FRYL: variants seen among roughly 807,000 people sequenced by gnomAD.
FRYL encodes the protein FRY like transcription coactivator.
A neutral mutation model predicts 351.2 loss-of-function variants in FRYL; 150 were observed. That is an observed-to-expected ratio of 0.43 (90% CI 0.37 to 0.49). FRYL has a LOEUF of 0.49. FRYL is among the 20% of genes least tolerant of loss of function. The pLI is 0.00. For synonymous variants in FRYL, 1,153 were observed against 1,257.1 expected (o/e 0.92, Z 1.75); for missense variants, 3,036 against 3,619.3 (o/e 0.84, Z 4.13).
rs201559133 is a variant in FRYL, at chr4:48,714,710, C to T, written c.-383-4012G>A. Among the ~76,000 whole-genome samples the T allele has an allele frequency of 5.4e-4, 82 of 150,798 alleles. No individual in the cohort carries two copies. In the East Asian group the frequency reaches 0.014, roughly 26 times the overall value. On this transcript the variant is annotated intron_variant, in intron 1 of 63. Coordinates refer to ENST00000358350, the MANE Select transcript of FRYL (RefSeq NM_015030.2). Reference sequence around the variant, plus strand: ...CCAGAGGTACAAGGAGGAACTGGTACCATTCCTTCTGAAACTATTCCAATC... The same window carrying T: ...CCAGAGGTACAAGGAGGAACTGGTATCATTCCTTCTGAAACTATTCCAATC...
intron 3 of FRYL, chr4:48,653,567 T>C (rs563632137): frequency 2.4e-6 from 1 of 414,072 alleles, no homozygotes; most frequent in African/African-American, 2.1e-5. Flanking sequence ...TTTTCTATCT[T>C]ACTGATTACC....
At chr4:48,633,841 T>C (rs542251366) in intron 4 of FRYL, among the ~76,000 whole-genome samples, 1 of 151,926 alleles carries the variant, frequency 6.6e-6, no homozygotes, top group East Asian at 1.9e-4. Flanking sequence ...CACCATATTA[T>C]CCATCACAAT....
chr4:48,531,317 G>T lies in FRYL; in HGVS notation c.6742C>A (p.Leu2248Met). 16 of 1,613,574 alleles carry T rather than the reference G, an allele frequency of 9.9e-6. No homozygotes were observed. Among genetic ancestry groups the T allele is most frequent in the Non-Finnish European group, 1.4e-5 (16 of 1,179,622 alleles). Residue 2248 changes from leucine to methionine, a missense_variant, in exon 50 of 64, where the codon CTG becomes ATG. This residue lies in a region of FRYL where 1,987 missense variants were observed against 2,311.7 expected (regional missense o/e 0.86). Transcript: ENST00000358350. ...AGACTCGCAGAGCGTGACACCACCA[G>T]CTTTAATATGTTAAGGGCTTCCTTC... ...YWKEALNILKLVVSRSASLVV... is the reference protein window; with the variant it reads ...YWKEALNILKMVVSRSASLVV...
chr4:48,623,111 C>A lies in FRYL; in HGVS notation c.174+15G>T. On this transcript the variant is annotated intron_variant, in intron 5 of 63. Coordinates refer to ENST00000358350, the MANE Select transcript of FRYL (RefSeq NM_015030.2). ...ATTTCCAGGGGAAAAAAAAATTCTC[C>A]CAAAATTGTCATACCTGATCAAACT... 1 of 1,564,564 alleles carries A rather than the reference C, an allele frequency of 6.4e-7. No homozygotes were observed. Among genetic ancestry groups the A allele is most frequent in the South Asian group, 1.2e-5 (1 of 84,118 alleles).
At chr4:48,604,338 T>G (rs1269035242) in intron 11 of FRYL, among the ~76,000 whole-genome samples, 1 of 152,206 alleles carries the variant, frequency 6.6e-6, no homozygotes, top group Non-Finnish European at 1.5e-5. Flanking sequence ...TATTATGGGT[T>G]GAATCATATC....
chr4:48,542,684 G>A (rs2148943194), intron 44 of FRYL, among the ~76,000 whole-genome samples: 1 of 152,278 alleles, frequency 6.6e-6, no homozygotes, highest in African/African-American at 2.4e-5. Context: ...CCAAAGTGCT[G>A]GGATTATAGG....
intron 7 of FRYL, among the ~76,000 whole-genome samples, chr4:48,613,761 G>T (rs1413383035): frequency 7.2e-5 from 11 of 152,140 alleles, no homozygotes; most frequent in Admixed American, 7.2e-4. Context: ...TTCCAGACCA[G>T]CCTGGCCAAC....
At chr4:48,715,235 C>G (rs1214967440) in intron 1 of FRYL, among the ~76,000 whole-genome samples, 4 of 151,314 alleles carry the variant, frequency 2.6e-5, no homozygotes, top group Non-Finnish European at 5.9e-5. Context: ...CCCTCTCTCA[C>G]CACTCCTATT....
chr4:48,766,677 A>G (rs980989210), intron 1 of FRYL, among the ~76,000 whole-genome samples: 14 of 152,198 alleles, frequency 9.2e-5, no homozygotes, highest in Non-Finnish European at 1.8e-4. Flanking sequence ...AACTGAAACA[A>G]TATCACATAC....
intron 1 of FRYL, among the ~76,000 whole-genome samples, chr4:48,779,792 G>C (rs1339993321): frequency 7.9e-5 from 12 of 151,954 alleles, no homozygotes; most frequent in East Asian, 3.9e-4. Flanking sequence ...AGAGACGGGC[G>C]CGCGGCGCTG....
rs1433783419 is a variant in FRYL, at chr4:48,634,368, A to C, written c.43T>G (p.Tyr15Asp). 6.2e-7 allele frequency: 1 copy of C among 1,613,558 alleles called. No homozygotes were observed. Among genetic ancestry groups the C allele is most frequent in the Non-Finnish European group, 8.5e-7 (1 of 1,179,602 alleles). Residue 15 changes from tyrosine (Y) to aspartate (D), a missense_variant, in exon 4 of 64, where the codon TAT becomes GAT. By Grantham distance (160) the Tyr-to-Asp change is radical (BLOSUM62 -3). Transcript: ENST00000358350. Reference sequence around the variant, plus strand: ...TCTGCAAAGAGGCTCTTGATGACATATTCACCAGGTTTGACATCTGGGTCA... The same window carrying C: ...TCTGCAAAGAGGCTCTTGATGACATCTTCACCAGGTTTGACATCTGGGTCA... ...TIDPDVKPGE[Y>D]VIKSLFAEFA...
rs1732257737 is a variant in FRYL, at chr4:48,549,753, G to A, written c.4634-130C>T. On this transcript the variant is annotated intron_variant, in intron 38 of 63. Transcript: ENST00000358350. The surrounding 1 kb of genome is among the most constrained non-coding windows in gnomAD (Gnocchi z 4.2). ...AAAAAATTTCCCACTATTTCAACAT[G>A]TTTGCTAGGAAAATCTAGGCACAAA... The A allele has an allele frequency of 1.5e-6, 1 of 676,674 alleles. No homozygotes were observed. Among genetic ancestry groups the A allele is most frequent in the East Asian group, 3.0e-5 (1 of 33,786 alleles). 41.9% of individuals were successfully genotyped at this position (676,674 alleles called of 1,614,324 possible). A position where few individuals can be genotyped will look rare whatever the true frequency, so the allele number is the denominator to read the frequency against.
intron 3 of FRYL, among the ~76,000 whole-genome samples, chr4:48,680,051 T>C (rs1165125956): frequency 6.6e-6 from 1 of 152,062 alleles, no homozygotes; most frequent in Non-Finnish European, 1.5e-5. Context: ...AAAAAGCAAG[T>C]ATCAGAATGA....
rs575249216 is a variant in FRYL, at chr4:48,715,857, C to T, written c.-383-5159G>A. On this transcript the variant is annotated intron_variant, in intron 1 of 63. Coordinates refer to ENST00000358350, the MANE Select transcript of FRYL (RefSeq NM_015030.2). Reference sequence around the variant, plus strand: ...AAAGAACAAAGCTGGAGGCATCATACTTCCTGACTTCAAACTATACTACAA... The same window carrying T: ...AAAGAACAAAGCTGGAGGCATCATATTTCCTGACTTCAAACTATACTACAA... Among the ~76,000 whole-genome samples, 37 of 152,342 alleles carry T rather than the reference C, an allele frequency of 2.4e-4. No individual in the cohort carries two copies. In the East Asian group the frequency reaches 4.0e-3, roughly 17 times the overall value.
At chr4:48,626,731 C>G (rs1751904652) in intron 4 of FRYL, among the ~76,000 whole-genome samples, 1 of 152,032 alleles carries the variant, frequency 6.6e-6, no homozygotes, top group South Asian at 2.1e-4. Flanking sequence ...AAGTCATTCT[C>G]TGAAATAAAC....
intron 1 of FRYL, among the ~76,000 whole-genome samples, chr4:48,715,897 A>C (rs1271886795): frequency 6.6e-6 from 1 of 152,220 alleles, no homozygotes; most frequent in African/African-American, 2.4e-5. Context: ...ACAGTAACCA[A>C]AACAGCATGG....
chr4:48,641,248 G>GCACA (rs1179802881), intron 3 of FRYL, among the ~76,000 whole-genome samples: 1 of 152,102 alleles, frequency 6.6e-6, no homozygotes, highest in Admixed American at 6.6e-5. Context: ...ATCATTTGAT[G>GCACA]CACAGATATA....
intron 7 of FRYL, among the ~76,000 whole-genome samples, chr4:48,614,948 T>A (rs989082744): frequency 4.0e-5 from 6 of 148,674 alleles, no homozygotes; most frequent in Middle Eastern, 3.5e-3. Context: ...TGCCTCAGCC[T>A]CCCAAGTAGC....
At chr4:48,637,613 C>A (rs1034297067) in intron 3 of FRYL, 1 of 151,924 alleles carries the variant, frequency 6.6e-6, no homozygotes, top group Non-Finnish European at 1.5e-5. Context: ...TCGTATTAAA[C>A]ATACTTGGAA....
Sources: gnomAD v4.1 joint callset for allele counts (sites outside exome capture counted in the v4.1 genomes callset) on GRCh38, gnomAD v4.1.1 for gene constraint, gnomAD v4.1.1 regional missense constraint, Gnocchi (gnomAD v3.1) non-coding constraint, MANE v1.5 for transcripts, NCBI Gene and HGNC (gene_info 2026-07-23, HGNC 2026-07-21) for gene names.